Variants in KIF26B observed in about 807,000 individuals in gnomAD.
The protein encoded by KIF26B is kinesin family member 26B, also known as kinesin-like protein KIF26B.
KIF26B carries 63 observed loss-of-function variants against 151.2 expected under a neutral mutation model. The observed-to-expected ratio is 0.42, with a 90% confidence interval of 0.34 to 0.51. The LOEUF is 0.51. KIF26B is among the 20% of genes least tolerant of loss of function. The pLI, the probability that KIF26B is intolerant of heterozygous loss-of-function variation, is 0.07. For missense variants in KIF26B, 2,813 were observed against 2,913.6 expected (o/e 0.97, Z 0.79); for synonymous variants, 1,357 against 1,262.1 (o/e 1.08, Z -1.59).
intron 9 of KIF26B, 63 bp from the exon 10 acceptor site, chr1:245,646,058 G>A (rs1340554883): frequency 8.4e-6 from 13 of 1,543,448 alleles, no homozygotes; most frequent in Non-Finnish European, 1.1e-5. Flanking sequence ...GGAGCTACAT[G>A]AAGAACAGAT....
chr1:245,627,308 G>A (rs2043733808), intron 9 of KIF26B, among the ~76,000 whole-genome samples: 1 of 152,050 alleles, frequency 6.6e-6, no homozygotes, highest in African/African-American at 2.4e-5. Context: ...GAGTAGGATG[G>A]TCATTTTAAC....
At chr1:245,483,683 C>T (rs1415303657) in intron 4 of KIF26B, among the ~76,000 whole-genome samples, 1 of 151,834 alleles carries the variant, frequency 6.6e-6, no homozygotes, top group East Asian at 1.9e-4. Flanking sequence ...GGGTAGTGAA[C>T]TTGTAACAGC....
intron 4 of KIF26B, among the ~76,000 whole-genome samples, chr1:245,449,651 C>T (rs1000912019): frequency 6.6e-6 from 1 of 152,190 alleles, no homozygotes; most frequent in African/African-American, 2.4e-5. Context: ...AAGCTCTTTA[C>T]ATTTGACAAA....
rs1167216292 is a variant in KIF26B, at chr1:245,377,275, C to T, written c.999+9908C>T. Among the ~76,000 whole-genome samples, 6 of 152,204 alleles carry T rather than the reference C, an allele frequency of 3.9e-5. No individual in the cohort carries two copies. In the East Asian group the frequency reaches 1.2e-3, roughly 29 times the overall value. ...GTTCTGGAGACTGCAAGTCTGAAAT[C>T]AAGGTGTCGGCCGTGCTGTGCTTCC... On this transcript the variant is annotated intron_variant, in intron 3 of 14. Transcript: ENST00000407071.
At chr1:245,214,092 A>G (rs551693027) in intron 2 of KIF26B, 35 of 152,338 alleles carry the variant, frequency 2.3e-4, no homozygotes, top group African/African-American at 7.9e-4. Context: ...ACCATTTGAA[A>G]TAGATGTTTC....
rs1660496149 is a variant in KIF26B, at chr1:245,495,558, C to T, written c.1167-45209C>T. On this transcript the variant is annotated intron_variant, in intron 4 of 14. Coordinates refer to ENST00000407071, the MANE Select transcript of KIF26B (RefSeq NM_018012.4). The surrounding 1 kb of genome is among the most constrained non-coding windows in gnomAD (Gnocchi z 4.2). The stretch of plus-strand genomic sequence containing the variant: ...ATAAATCATCATTAACCATATTCAC[C>T]TGAGAGTGCTGCAGGATGCCAGAAC... 6.6e-6 allele frequency among the ~76,000 whole-genome samples: 1 copy of T among 152,126 alleles called. No individual in the cohort carries two copies. Among genetic ancestry groups the T allele is most frequent in the South Asian group, 2.1e-4 (1 of 4,818 alleles).
chr1:245,665,736 T>G (rs1023568315), intron 10 of KIF26B, among the ~76,000 whole-genome samples: 34 of 151,928 alleles, frequency 2.2e-4, no homozygotes, highest in Admixed American at 2.6e-4. Context: ...TTTTTGAGAC[T>G]GAGTCTTTCT....
intron 5 of KIF26B, among the ~76,000 whole-genome samples, chr1:245,588,130 C>T (rs936692600): frequency 3.3e-5 from 5 of 152,220 alleles, no homozygotes; most frequent in Admixed American, 2.6e-4. Context: ...TGTTGGAATA[C>T]GGCATATACT....
At chr1:245,334,496 A>T (rs1672183022) in intron 2 of KIF26B, among the ~76,000 whole-genome samples, 1 of 152,146 alleles carries the variant, frequency 6.6e-6, no homozygotes, top group Non-Finnish European at 1.5e-5. Context: ...GTCCCTCCTC[A>T]TAAAACATGT....
At chr1:245,269,815 A>G (rs1670818282) in intron 2 of KIF26B, among the ~76,000 whole-genome samples, 1 of 151,848 alleles carries the variant, frequency 6.6e-6, no homozygotes, top group African/African-American at 2.4e-5. Context: ...CGTTGTCTGT[A>G]TAGACCACAT....
chr1:245,555,080 G>A (rs1189206992), intron 5 of KIF26B, among the ~76,000 whole-genome samples: 1 of 152,136 alleles, frequency 6.6e-6, no homozygotes, highest in East Asian at 1.9e-4. Context: ...TTGCCGCAGA[G>A]GGAGAAATGT....
At chr1:245,265,132 G>A (rs1214272811) in intron 2 of KIF26B, among the ~76,000 whole-genome samples, 1 of 151,272 alleles carries the variant, frequency 6.6e-6, no homozygotes, top group Non-Finnish European at 1.5e-5. Context: ...AACCCGGGAG[G>A]CGGAGCTGGC....
Position 245,702,397 on chromosome 1 carries a change from T to G in KIF26B, c.6179-61T>G, listed in dbSNP as rs983583789. ...GGGGTGGCAGCTCCAGGCTGAGCCG[T>G]CGGGAGTTGCTTCTCACCCTGTTTG... is the stretch of plus-strand genomic sequence containing the variant. On this transcript the variant is annotated intron_variant, in intron 14 of 14. Transcript: ENST00000407071. The surrounding 1 kb of genome is among the most constrained non-coding windows in gnomAD (Gnocchi z 4.1). 1.9e-6 allele frequency: 3 copies of G among 1,592,720 alleles called. No individual in the cohort carries two copies. The African/African-American group carries it at 4.0e-5, about 21-fold the overall frequency.
At chr1:245,425,134 C>G (rs1182397585) in intron 4 of KIF26B, among the ~76,000 whole-genome samples, 1 of 148,916 alleles carries the variant, frequency 6.7e-6, no homozygotes, top group African/African-American at 2.5e-5. Context: ...ATTAGATTTT[C>G]CCATTTGCTG....
chr1:245,240,679 G>T (rs1172800230), intron 2 of KIF26B, among the ~76,000 whole-genome samples: 1 of 152,194 alleles, frequency 6.6e-6, no homozygotes, highest in Non-Finnish European at 1.5e-5. Flanking sequence ...CAGCAGAGAA[G>T]AGCAACAAGG....
At chr1:245,415,413 G>A (rs1417634690) in intron 3 of KIF26B, among the ~76,000 whole-genome samples, 2 of 152,014 alleles carry the variant, frequency 1.3e-5, no homozygotes, top group South Asian at 2.1e-4. Context: ...GCAGGGCTGA[G>A]GAAGAGTAAA....
intron 4 of KIF26B, among the ~76,000 whole-genome samples, chr1:245,518,408 G>A (rs757027845): frequency 1.3e-5 from 2 of 152,086 alleles, no homozygotes; most frequent in Non-Finnish European, 2.9e-5. Context: ...TCTTGAGCTG[G>A]TATTAGTATA....
chr1:245,300,902 C>A (rs1389187383), intron 2 of KIF26B, among the ~76,000 whole-genome samples: 2 of 151,604 alleles, frequency 1.3e-5, no homozygotes, highest in African/African-American at 4.9e-5. Flanking sequence ...GCTATCTCAG[C>A]TCACTGCAAC....
In KIF26B at chr1:245,280,284, C is replaced by T. The variant is rs1164382433; in HGVS notation, c.466-86550C>T. On this transcript the variant is annotated intron_variant, in intron 2 of 14. Coordinates refer to ENST00000407071, the MANE Select transcript of KIF26B (RefSeq NM_018012.4). Reference sequence around the variant, plus strand: ...ATCCCAGCACTTTGGGAGGCCGAGACGGGTGGATCATGAGGTCAGGAGATT... The same window carrying T: ...ATCCCAGCACTTTGGGAGGCCGAGATGGGTGGATCATGAGGTCAGGAGATT... 8.7e-5 allele frequency among the ~76,000 whole-genome samples: 13 copies of T among 150,192 alleles called. No individual in the cohort carries two copies. The South Asian group carries it at 1.0e-3, about 12-fold the overall frequency.
Sources: gnomAD v4.1 joint callset for allele counts (sites outside exome capture counted in the v4.1 genomes callset) on GRCh38, gnomAD v4.1.1 for gene constraint, Gnocchi (gnomAD v3.1) non-coding constraint, MANE v1.5 for transcripts, NCBI Gene and HGNC (gene_info 2026-07-23, HGNC 2026-07-21) for gene names.